FSTL1: variants seen among roughly 807,000 people sequenced by gnomAD.
The protein encoded by FSTL1 is follistatin-related protein 1.
Under a neutral mutation model 45.9 loss-of-function variants are expected in FSTL1, and 24 were observed. That is an observed-to-expected ratio of 0.52 (90% CI 0.38 to 0.74). The LOEUF is 0.74. FSTL1 is among the 30% of genes least tolerant of loss of function. The pLI is 0.00. For synonymous variants in FSTL1, 120 were observed against 137.6 expected (o/e 0.87, Z 0.89); for missense variants, 340 against 381.8 (o/e 0.89, Z 0.91).
chr3:120,449,881 C>T (rs373123392), intron 2 of FSTL1, among the ~76,000 whole-genome samples: 14 of 152,202 alleles, frequency 9.2e-5, no homozygotes, highest in African/African-American at 3.4e-4. Flanking sequence ...AGTTTCTGAC[C>T]TCACTTTCCT....
chr3:120,417,718 T>C (rs1937212276), intron 2 of FSTL1, among the ~76,000 whole-genome samples: 1 of 151,960 alleles, frequency 6.6e-6, no homozygotes, highest in African/African-American at 2.4e-5. Flanking sequence ...TGCTGACGAG[T>C]TGTTCCCATG....
At chr3:120,423,179 T>G (rs1937314452) in intron 2 of FSTL1, 1 of 152,180 alleles carries the variant, frequency 6.6e-6, no homozygotes, top group South Asian at 2.1e-4. Flanking sequence ...TTACAGATTC[T>G]GTCACATTCT....
chr3:120,443,007 T>A (rs1347804485), intron 2 of FSTL1, among the ~76,000 whole-genome samples: 2 of 145,456 alleles, frequency 1.4e-5, no homozygotes, highest in Non-Finnish European at 3.0e-5. Flanking sequence ...GACGAGTTAG[T>A]GGGTGCAGTG....
Position 120,392,581 on chromosome 3 carries a change from A to G in FSTL1, c.*4371T>C, listed in dbSNP as rs1936614575. ...CTGTGATACAATTTGGATTTTTACC[A>G]TGTACACATATTATTTTTTCAGTAA... On this transcript the variant is annotated 3_prime_UTR_variant, in exon 11 of 11. Transcript: ENST00000295633. The G allele has an allele frequency of 6.6e-6, 1 of 152,230 alleles. No individual in the cohort carries two copies. Among genetic ancestry groups the G allele is most frequent in the African/African-American group, 2.4e-5 (1 of 41,462 alleles). 9.4% of individuals were successfully genotyped at this position (152,230 alleles called of 1,614,324 possible).
At chr3:120,428,649 G>A (rs981719555) in intron 2 of FSTL1, among the ~76,000 whole-genome samples, 11 of 152,056 alleles carry the variant, frequency 7.2e-5, no homozygotes, top group African/African-American at 2.2e-4. Context: ...CACGAGAATC[G>A]CTTGAACCTG....
chr3:120,424,970 G>A (rs1370058531), intron 2 of FSTL1, among the ~76,000 whole-genome samples: 1 of 152,140 alleles, frequency 6.6e-6, no homozygotes, highest in Admixed American at 6.5e-5. Context: ...TGAGGCAGAG[G>A]AACAAATGAG....
At position 120,408,187 on chromosome 3, in the gene FSTL1, G is replaced by A. The variant is rs549018004; in HGVS notation, c.462+1345C>T. On this transcript the variant is annotated intron_variant, in intron 6 of 10. Transcript: ENST00000295633. ...AGTCACTTTCTTTACATTACTTTCT[G>A]TTCCTGTCCAAGTCTCCTGGCTCAG... Among the ~76,000 whole-genome samples, 404 of 152,294 alleles carry A rather than the reference G, an allele frequency of 2.7e-3. 1 individual carries two copies. The highest frequency in any genetic ancestry group is 0.01 in the Middle Eastern group (3 of 294).
intron 2 of FSTL1, among the ~76,000 whole-genome samples, chr3:120,431,927 G>A (rs1452540628): frequency 6.6e-6 from 1 of 152,152 alleles, no homozygotes; most frequent in Non-Finnish European, 1.5e-5. Flanking sequence ...GCTGAATTCT[G>A]GCTGTTTTCA....
chr3:120,411,191 C>A, intron 4 of FSTL1: 2 of 505,266 alleles, frequency 4.0e-6, no homozygotes, highest in Non-Finnish European at 7.3e-6. Context: ...CAATTTAGGG[C>A]CACTGAGTTA....
chr3:120,447,216 C>G (rs1298653933), intron 2 of FSTL1, among the ~76,000 whole-genome samples: 3 of 152,138 alleles, frequency 2.0e-5, no homozygotes, highest in African/African-American at 7.2e-5. Flanking sequence ...ATGCATCCAC[C>G]ATCAACACTT....
chr3:120,438,801 G>C (rs149223224), intron 2 of FSTL1, among the ~76,000 whole-genome samples: 33 of 152,172 alleles, frequency 2.2e-4, no homozygotes, highest in African/African-American at 7.5e-4. Context: ...CCAGTAAATG[G>C]AGGTTCGTTT....
chr3:120,442,565 A>T (rs1047758932), intron 2 of FSTL1, among the ~76,000 whole-genome samples: 8 of 152,054 alleles, frequency 5.3e-5, no homozygotes, highest in African/African-American at 1.9e-4. Context: ...GGATCACTTG[A>T]GGGTGGGAGT....
rs752357480 is a variant in FSTL1 at position 120,397,015 on chromosome 3, A to G, written c.883-19T>C. On this transcript the variant is annotated intron_variant, in intron 10 of 10. Transcript: ENST00000295633. ...CTGTTTCCTTTGAGATGCAAGAGAA[A>G]ATAGGCGTCATGGAAATATTAAACA... 1 of 1,591,528 alleles carries G rather than the reference A, an allele frequency of 6.3e-7. No individual in the cohort carries two copies. The highest frequency in any genetic ancestry group is 8.6e-7 in the Non-Finnish European group (1 of 1,159,566).
At chr3:120,409,431 G>A in intron 6 of FSTL1, 101 bp downstream of exon 6, 1 of 1,077,322 alleles carries the variant, frequency 9.3e-7, no homozygotes, top group Non-Finnish European at 1.4e-6. Context: ...GTCTGTGCAG[G>A]TTTACATTTC....
intron 3 of FSTL1, among the ~76,000 whole-genome samples, chr3:120,414,223 C>T (rs1251198698): frequency 6.6e-6 from 1 of 152,100 alleles, no homozygotes; most frequent in African/African-American, 2.4e-5. Context: ...AAGTGAGGAG[C>T]GTCTCTGCCT....
rs1371542315 is a variant in FSTL1 at position 120,410,957 on chromosome 3, C to A, written c.326G>T (p.Ser109Ile). ...TAGAAAAAATAGGCACTCACCTGGG[C>A]TGGCAGATGGACTTACGGATTTCTT... The part of the protein sequence containing the change: ...KEKKSVSPSA[S>I]PVVCYQSNRD... Residue 109 changes from serine (S) to isoleucine (I), a missense_variant, in exon 5 of 11, where the codon AGC (serine) becomes ATC (isoleucine). Transcript: ENST00000295633. 1 of 1,611,310 alleles carries A rather than the reference C, an allele frequency of 6.2e-7. No individual in the cohort carries two copies. Among genetic ancestry groups the A allele is most frequent in the Admixed American group, 1.7e-5 (1 of 60,008 alleles).
At position 120,395,599 on chromosome 3, in the gene FSTL1, T is replaced by C. The variant is rs1936681301; in HGVS notation, c.*1353A>G. The stretch of plus-strand genomic sequence containing the variant: ...TATCATAGCACGACCTGTAGGGTCA[T>C]CAGGCTGAGATCAAATCTGGTCATC... On this transcript the variant is annotated 3_prime_UTR_variant, in exon 11 of 11. Transcript: ENST00000295633. 1 of 514,238 alleles carries C rather than the reference T, an allele frequency of 1.9e-6. No individual in the cohort carries two copies. The highest frequency in any genetic ancestry group is 4.0e-6 in the Non-Finnish European group (1 of 248,456). 31.9% of individuals were successfully genotyped at this position (514,238 alleles called of 1,614,324 possible).
chr3:120,439,851 C>T (rs1576227260), intron 2 of FSTL1, among the ~76,000 whole-genome samples: 1 of 152,202 alleles, frequency 6.6e-6, no homozygotes, highest in South Asian at 2.1e-4. Flanking sequence ...CTGTGGCTCA[C>T]GACTGTAATG....
At chr3:120,434,346 A>T (rs185593524) in intron 2 of FSTL1, among the ~76,000 whole-genome samples, 1 of 152,206 alleles carries the variant, frequency 6.6e-6, no homozygotes. Flanking sequence ...CTGATGGTCC[A>T]TTCTAGAGTC....
Sources: gnomAD v4.1 joint callset for allele counts (sites outside exome capture counted in the v4.1 genomes callset) on GRCh38, gnomAD v4.1.1 for gene constraint, MANE v1.5 for transcripts, NCBI Gene and HGNC (gene_info 2026-07-23, HGNC 2026-07-21) for gene names.